Variants in SKAP2 observed in about 807,000 individuals in gnomAD.
SKAP2 encodes src kinase associated phosphoprotein 2.
A neutral mutation model predicts 54.9 loss-of-function variants in SKAP2; 28 were observed. The observed-to-expected ratio is 0.51, with a 90% CI of 0.38 to 0.70. SKAP2 has a LOEUF of 0.70. SKAP2 is among the 30% of genes least tolerant of loss of function. The probability of loss-of-function intolerance (pLI) is 0.00; values close to 1 mark genes in which losing one functional copy is unlikely to be tolerated. For synonymous variants in SKAP2, 137 were observed against 134.3 expected, an observed-to-expected ratio of 1.02 and a Z score of -0.14; for missense variants, 356 against 424.1, an observed-to-expected ratio of 0.84 and a Z score of 1.41.
intron 3 of SKAP2, among the ~76,000 whole-genome samples, chr7:26,851,429 G>C (rs978274041): frequency 7.9e-5 from 12 of 152,006 alleles, no homozygotes; most frequent in Non-Finnish European, 5.9e-5. Context: ...GAGACGCAGA[G>C]TGAGAGACCC....
At chr7:26,852,843 C>CCTCTCT (rs1785074226) in intron 3 of SKAP2, among the ~76,000 whole-genome samples, 1 of 152,022 alleles carries the variant, frequency 6.6e-6, no homozygotes, top group Non-Finnish European at 1.5e-5. Context: ...AAATAATATG[C>CCTCTCT]CTTTTAAGAG....
At chr7:26,809,844 G>A (rs117550395) in intron 4 of SKAP2, among the ~76,000 whole-genome samples, 1,531 of 152,218 alleles carry the variant, frequency 0.01, 58 homozygotes, top group Admixed American at 0.071. Flanking sequence ...GCCAAGATAC[G>A]GAATCAGCCT....
chr7:26,733,934 C>T (rs1787872048), intron 6 of SKAP2, among the ~76,000 whole-genome samples: 1 of 152,052 alleles, frequency 6.6e-6, no homozygotes, highest in African/African-American at 2.4e-5. Context: ...TGACAATCCC[C>T]TCCTTAAAAA....
intron 4 of SKAP2, among the ~76,000 whole-genome samples, chr7:26,804,309 A>C (rs994813844): frequency 2.0e-5 from 3 of 152,222 alleles, no homozygotes; most frequent in Non-Finnish European, 4.4e-5. Flanking sequence ...GTGTTGGACT[A>C]AATTTCCTCT....
At chr7:26,863,532 T>C (rs1374424909) in intron 1 of SKAP2, among the ~76,000 whole-genome samples, 2 of 152,196 alleles carry the variant, frequency 1.3e-5, no homozygotes, top group Non-Finnish European at 2.9e-5. Flanking sequence ...TATAAATTAT[T>C]GGTTCTTAGT....
chr7:26,732,810 T>TAGA (rs1281486666), intron 6 of SKAP2, among the ~76,000 whole-genome samples: 1 of 152,198 alleles, frequency 6.6e-6, no homozygotes, highest in Non-Finnish European at 1.5e-5. Flanking sequence ...GGGTTTTGTG[T>TAGA]AGAAGTGAGA....
intron 4 of SKAP2, among the ~76,000 whole-genome samples, chr7:26,842,205 C>G (rs974177650): frequency 1.3e-5 from 2 of 151,530 alleles, no homozygotes; most frequent in Non-Finnish European, 3.0e-5. Flanking sequence ...AAGTTTTAAT[C>G]TGCTCAAGAA....
At chr7:26,811,702 A>T (rs932085061) in intron 4 of SKAP2, among the ~76,000 whole-genome samples, 1 of 152,196 alleles carries the variant, frequency 6.6e-6, no homozygotes, top group Non-Finnish European at 1.5e-5. Context: ...GTCTTTTGTT[A>T]TGTATCCCAA....
chr7:26,818,539 A>C lies in SKAP2; in HGVS notation c.307+25491T>G, dbSNP rs570073850. 6.5e-4 allele frequency among the ~76,000 whole-genome samples: 99 copies of C among 152,352 alleles called. 1 individual carries two copies. Among genetic ancestry groups the C allele is most frequent in the African/African-American group, 2.3e-3 (94 of 41,576 alleles). On this transcript the variant is annotated intron_variant, in intron 4 of 12. Coordinates refer to ENST00000345317, the MANE Select transcript of SKAP2 (RefSeq NM_003930.5). ...AGGCATGGGCAAAGTTCATGACTAA[A>C]ACACCAAAAGCAATGGCAACAAAAG...
chr7:26,831,544 G>C (rs1305852856), intron 4 of SKAP2, among the ~76,000 whole-genome samples: 1 of 152,058 alleles, frequency 6.6e-6, no homozygotes, highest in Non-Finnish European at 1.5e-5. Flanking sequence ...CCCTAAAATT[G>C]ACTGGATAAC....
intron 11 of SKAP2, among the ~76,000 whole-genome samples, chr7:26,683,720 G>A (rs1180010080): frequency 6.6e-6 from 1 of 152,082 alleles, no homozygotes; most frequent in Non-Finnish European, 1.5e-5. Flanking sequence ...TCACTCTAAT[G>A]TTCGATGATT....
At chr7:26,833,369 C>A (rs1967332) in intron 4 of SKAP2, among the ~76,000 whole-genome samples, 30,207 of 146,954 alleles carry the variant, frequency 0.21, 3,188 homozygotes, top group Non-Finnish European at 0.23. Context: ...GCACCCCAGC[C>A]TGGGTGACAA....
Position 26,668,668 on chromosome 7 carries a change from T to TTG in SKAP2, c.*997_*998insCA, listed in dbSNP as rs1261270398. On this transcript the variant is annotated 3_prime_UTR_variant, in exon 13 of 13. Coordinates refer to ENST00000345317, the MANE Select transcript of SKAP2 (RefSeq NM_003930.5). ...GAGAATACACTGAGATTCTGTTTTT[T>TTG]TTTTTTTTTTTTTCTGAGATGGAGT... 2 of 150,414 alleles carry TTG rather than the reference T, an allele frequency of 1.3e-5. No individual in the cohort carries two copies. The highest frequency in any genetic ancestry group is 3.0e-5 in the Non-Finnish European group (2 of 67,636). The allele number at this position is 150,414 out of a possible 1,614,324, so 9.3% of individuals were successfully genotyped here.
intron 1 of SKAP2, chr7:26,857,723 T>C (rs1785202319): frequency 2.0e-6 from 2 of 985,256 alleles, no homozygotes; most frequent in East Asian, 2.3e-4. Context: ...ACTAGACAAA[T>C]GGGGCTGGAT....
intron 9 of SKAP2, among the ~76,000 whole-genome samples, chr7:26,711,491 T>C (rs1404787763): frequency 2.0e-5 from 3 of 152,212 alleles, no homozygotes; most frequent in Non-Finnish European, 2.9e-5. Context: ...CTGTGTGCTA[T>C]TTGGCTGGAT....
chr7:26,670,669 G>GT (rs1786208001), intron 11 of SKAP2, among the ~76,000 whole-genome samples: 1 of 151,198 alleles, frequency 6.6e-6, no homozygotes, highest in African/African-American at 2.4e-5. Context: ...GATTTAGAAT[G>GT]TTGATAGATG....
At chr7:26,849,222 A>G (rs1039821349) in intron 3 of SKAP2, among the ~76,000 whole-genome samples, 3 of 152,248 alleles carry the variant, frequency 2.0e-5, no homozygotes, top group South Asian at 2.1e-4. Context: ...CATGAGTGAG[A>G]AGGTCAAAGG....
chr7:26,705,076 C>G (rs1290271685), intron 9 of SKAP2, among the ~76,000 whole-genome samples: 1 of 152,188 alleles, frequency 6.6e-6, no homozygotes, highest in Non-Finnish European at 1.5e-5. Context: ...TCTGGGAGGA[C>G]AAATCCCTGC....
intron 4 of SKAP2, among the ~76,000 whole-genome samples, chr7:26,771,375 C>T (rs1783184922): frequency 6.6e-6 from 1 of 152,148 alleles, no homozygotes; most frequent in South Asian, 2.1e-4. Context: ...GAAGAGAAGT[C>T]AACAAGTTGA....
Sources: gnomAD v4.1 joint callset for allele counts (sites outside exome capture counted in the v4.1 genomes callset) on GRCh38, gnomAD v4.1.1 for gene constraint, MANE v1.5 for transcripts, NCBI Gene and HGNC (gene_info 2026-07-23, HGNC 2026-07-21) for gene names.